The following SDAD1 variants were observed in gnomAD, a reference collection of about 807,000 sequenced individuals.
The protein encoded by SDAD1 is protein SDA1 homolog.
SDAD1 carries 79 observed loss-of-function variants against 100.3 expected under a neutral mutation model. The ratio of observed to expected loss-of-function variants is 0.79; its 90% confidence interval spans 0.66 to 0.95. The LOEUF (loss-of-function observed/expected upper bound fraction) is 0.95. SDAD1 is among the 40% of genes least tolerant of loss of function. The pLI, the probability that SDAD1 is intolerant of heterozygous loss-of-function variation, is 0.00. For missense variants in SDAD1, 790 were observed against 810.9 expected (o/e 0.97, Z 0.31); for synonymous variants, 267 against 271.4 (o/e 0.98, Z 0.16).
At chr4:75,981,299 T>G (rs1578144520) in intron 3 of SDAD1, 73 bp downstream of exon 3, 12 of 1,354,662 alleles carry the variant, frequency 8.9e-6, no homozygotes. Flanking sequence ...TTAGAGGCTG[T>G]TCTCATTTAA....
rs762394263 is a variant in SDAD1, at chr4:75,957,525, C to T, written c.1762G>A (p.Glu588Lys). The T allele has an allele frequency of 1.2e-6, 2 of 1,614,118 alleles. No homozygotes were observed. Among genetic ancestry groups the T allele is most frequent in the South Asian group, 2.2e-5 (2 of 91,066 alleles). Residue 588 changes from glutamate (E) to lysine (K), a missense_variant, in exon 19 of 22, where the codon GAG becomes AAG. Transcript: ENST00000356260. ...RKYIEIDSDE[E>K]PRGELLSLRD... ...GTGGATGTGCCATTTTACCTGGGCTCTTCATCACTGTCTATTTCAATGTAT... is the reference window on the plus strand; with the variant it reads ...GTGGATGTGCCATTTTACCTGGGCTTTTCATCACTGTCTATTTCAATGTAT...
chr4:75,974,094 A>C lies in SDAD1; in HGVS notation c.618T>G (p.Cys206Trp), dbSNP rs1172006975. 6.2e-7 allele frequency: 1 copy of C among 1,613,840 alleles called. No homozygotes were observed. Among genetic ancestry groups the C allele is most frequent in the East Asian group, 2.2e-5 (1 of 44,832 alleles). The change falls in exon 7 of 22, where the codon TGT (cysteine) becomes TGG (tryptophan). Residue 206 changes from cysteine to tryptophan, a missense_variant. Cys to Trp is a radical substitution (Grantham distance 215). Coordinates refer to ENST00000356260, the MANE Select transcript of SDAD1 (RefSeq NM_018115.4). ...TGCTCACCTTGGTGACCTTAGAGAA[A>C]CATGCAGTTGTGATAACATTGACAG... ...AKTVNVITTA[C>W]FSKVTKILVA...
At chr4:75,973,413 G>C in intron 7 of SDAD1, 22 bp from the exon 8 acceptor site, 1 of 1,557,116 alleles carries the variant, frequency 6.4e-7, no homozygotes, top group Non-Finnish European at 8.9e-7. Flanking sequence ...TGAGAAAAAA[G>C]TCAGCTACTT....
intron 3 of SDAD1, among the ~76,000 whole-genome samples, chr4:75,978,067 A>C (rs1446965985): frequency 1.3e-5 from 2 of 152,182 alleles, no homozygotes; most frequent in Non-Finnish European, 2.9e-5. Flanking sequence ...GTCTCTTTGT[A>C]GTGTCATCAT....
intron 6 of SDAD1, 42 bp downstream of exon 6, chr4:75,975,700 GAA>G (rs746715728): frequency 3.8e-6 from 5 of 1,325,122 alleles, no homozygotes; most frequent in Non-Finnish European, 5.4e-6. Context: ...AATTACAAAT[GAA>G]AAAAGAGTCT....
intron 1 of SDAD1, among the ~76,000 whole-genome samples, chr4:75,982,849 G>C (rs1730621563): frequency 6.6e-6 from 1 of 151,194 alleles, no homozygotes; most frequent in Non-Finnish European, 1.5e-5. Context: ...AGAATGTGCA[G>C]GTTTGTTACA....
intron 16 of SDAD1, among the ~76,000 whole-genome samples, chr4:75,960,517 C>A (rs1341827588): frequency 2.0e-5 from 3 of 152,154 alleles, no homozygotes; most frequent in Non-Finnish European, 4.4e-5. Flanking sequence ...TTGCTTATGT[C>A]TCAGGTCAAA....
rs1163770801 is a variant in SDAD1 at position 75,960,046 on chromosome 4, A to T, written c.1483+20T>A. The T allele has an allele frequency of 5.6e-6, 9 of 1,602,164 alleles. No homozygotes were observed. The highest frequency in any genetic ancestry group is 6.8e-6 in the Non-Finnish European group (8 of 1,176,590). On this transcript the variant is annotated intron_variant, in intron 17 of 21. Coordinates refer to ENST00000356260, the MANE Select transcript of SDAD1 (RefSeq NM_018115.4). Reference sequence around the variant, plus strand: ...CTGCAGGAGTGTTTTGCCCAAAATAAGGGTGAAATAAAAATCAACCTTCAT... The same window carrying T: ...CTGCAGGAGTGTTTTGCCCAAAATATGGGTGAAATAAAAATCAACCTTCAT...
intron 8 of SDAD1, among the ~76,000 whole-genome samples, chr4:75,972,394 C>T (rs535958490): frequency 2.7e-5 from 4 of 149,120 alleles, no homozygotes; most frequent in South Asian, 2.1e-4. Flanking sequence ...AGTGAAGGTC[C>T]GCGGCTCCAA....
chr4:75,978,980 C>CAAAAAAAAAA (rs1730320239), intron 3 of SDAD1, among the ~76,000 whole-genome samples: 1 of 11,150 alleles, frequency 9.0e-5, no homozygotes, highest in Non-Finnish European at 1.4e-4. Flanking sequence ...GACCCTGTCT[C>CAAAAAAAAAA]AGAAAAAAAA....
chr4:75,956,407 GT>G (rs11315314), intron 20 of SDAD1, among the ~76,000 whole-genome samples: 96,957 of 128,512 alleles, frequency 0.75, 38,078 homozygotes, highest in East Asian at 0.92. Context: ...TTTTTTTTTT[GT>G]TTTTTTTTTT....
intron 1 of SDAD1, among the ~76,000 whole-genome samples, chr4:75,983,366 A>G (rs1385756413): frequency 6.6e-6 from 1 of 152,218 alleles, no homozygotes; most frequent in Non-Finnish European, 1.5e-5. Context: ...AGGAATTGCC[A>G]CACTGTCTTC....
At chr4:75,977,427 G>T (rs1730215235) in intron 4 of SDAD1, among the ~76,000 whole-genome samples, 2 of 152,180 alleles carry the variant, frequency 1.3e-5, no homozygotes, top group South Asian at 4.1e-4. Context: ...ATAGGGCTTT[G>T]TGAGTAAATG....
chr4:75,969,529 T>C (rs760491173), intron 10 of SDAD1, 130 bp from the exon 11 acceptor site: 1 of 586,670 alleles, frequency 1.7e-6, no homozygotes. Flanking sequence ...TGTCAATATA[T>C]GTAATGGTGC....
chr4:75,984,697 G>A (rs1433941962), intron 1 of SDAD1, among the ~76,000 whole-genome samples: 1 of 151,516 alleles, frequency 6.6e-6, no homozygotes, highest in East Asian at 1.9e-4. Flanking sequence ...CAATTCCACA[G>A]TTCCATGCCT....
At chr4:75,983,484 T>C (rs1730674700) in intron 1 of SDAD1, among the ~76,000 whole-genome samples, 1 of 152,260 alleles carries the variant, frequency 6.6e-6, no homozygotes, top group Non-Finnish European at 1.5e-5. Context: ...TGATTGCCAT[T>C]CTAACTGGCG....
chr4:75,970,437 T>A, intron 9 of SDAD1, 59 bp from the exon 10 acceptor site: 2 of 1,314,376 alleles, frequency 1.5e-6, no homozygotes, highest in South Asian at 2.4e-5. Context: ...CTCTTAGAAC[T>A]TAATGTGCTA....
intron 2 of SDAD1, among the ~76,000 whole-genome samples, 188 bp downstream of exon 2, chr4:75,981,745 T>C (rs1312374729): frequency 6.6e-6 from 1 of 152,206 alleles, no homozygotes; most frequent in Non-Finnish European, 1.5e-5. Context: ...TGGTTAGTTA[T>C]GCAAAAAGAT....
intron 3 of SDAD1, among the ~76,000 whole-genome samples, chr4:75,979,568 G>C (rs1240875969): frequency 1.3e-5 from 2 of 151,494 alleles, no homozygotes; most frequent in Non-Finnish European, 2.9e-5. Context: ...CAATTCTCCT[G>C]ACTGAGCCTC....
Sources: gnomAD v4.1 joint callset for allele counts (sites outside exome capture counted in the v4.1 genomes callset) on GRCh38, gnomAD v4.1.1 for gene constraint, MANE v1.5 for transcripts, NCBI Gene and HGNC (gene_info 2026-07-23, HGNC 2026-07-21) for gene names.